Variants in DSCAM observed in about 807,000 individuals in gnomAD.
DSCAM encodes the protein DS cell adhesion molecule.
Under a neutral mutation model 217.7 loss-of-function variants are expected in DSCAM, and 47 were observed. That is an observed-to-expected ratio of 0.22 (90% CI 0.17 to 0.28). The LOEUF (loss-of-function observed/expected upper bound fraction) is 0.28, where lower values mean the gene tolerates loss of function less well. DSCAM is among the 10% of genes least tolerant of loss of function. The probability of loss-of-function intolerance (pLI) is 1.00; values close to 1 mark genes in which losing one functional copy is unlikely to be tolerated. For synonymous variants in DSCAM, 1,056 were observed against 1,015.3 expected, an observed-to-expected ratio of 1.04 and a Z score of -0.76; for missense variants, 2,080 against 2,618.3, an observed-to-expected ratio of 0.79 and a Z score of 4.49.
chr21:40,552,401 T>A (rs947161884), intron 3 of DSCAM, among the ~76,000 whole-genome samples: 9 of 152,218 alleles, frequency 5.9e-5, no homozygotes, highest in African/African-American at 1.9e-4. Flanking sequence ...TAAGAAGAGC[T>A]GCCTTTAGCA....
At position 40,380,555 on chromosome 21, in the gene DSCAM, T is replaced by C. The variant is rs551876375; in HGVS notation, c.509-11310A>G. Among the ~76,000 whole-genome samples the C allele has an allele frequency of 3.9e-5, 6 of 152,290 alleles. No homozygotes were observed. The South Asian group carries it at 1.0e-3, about 26-fold the overall frequency. ...ATTGAGAAACAGAAGTTGACTCTAG[T>C]AAAGAGAAGAGCTGTTTAGATGGTG... On this transcript the variant is annotated intron_variant, in intron 3 of 32. Coordinates refer to ENST00000400454, the MANE Select transcript of DSCAM (RefSeq NM_001389.5).
chr21:40,426,339 T>C (rs141267874), intron 3 of DSCAM, among the ~76,000 whole-genome samples: 1 of 152,334 alleles, frequency 6.6e-6, no homozygotes, highest in East Asian at 1.9e-4. Context: ...GCTGCTTCCT[T>C]TTCTCTCCAT....
In DSCAM at chr21:40,369,258, A is replaced by G; in HGVS notation, c.509-13T>C. 2 of 1,605,450 alleles carry G rather than the reference A, an allele frequency of 1.2e-6. No homozygotes were observed. Among genetic ancestry groups the G allele is most frequent in the East Asian group, 2.2e-5 (1 of 44,746 alleles). ...AGAAATCTAGATCCTGAAATAGAGG[A>G]AAACAGTGGCTTGGTTAAAAGACAA... On this transcript the variant is annotated splice_polypyrimidine_tract_variant and intron_variant, in intron 3 of 32. Coordinates refer to ENST00000400454, the MANE Select transcript of DSCAM (RefSeq NM_001389.5).
At chr21:40,241,625 A>G (rs1419053129) in intron 11 of DSCAM, among the ~76,000 whole-genome samples, 1 of 152,224 alleles carries the variant, frequency 6.6e-6, no homozygotes, top group Non-Finnish European at 1.5e-5. Flanking sequence ...CTACCATTCA[A>G]CCCAGCAATC....
At chr21:40,049,767 C>T (rs150763694) in intron 30 of DSCAM, among the ~76,000 whole-genome samples, 4 of 152,284 alleles carry the variant, frequency 2.6e-5, no homozygotes, top group African/African-American at 4.8e-5. Context: ...GCCTGGCACT[C>T]GCTGACCACT....
Position 40,427,474 on chromosome 21 carries a change from G to A in DSCAM, c.509-58229C>T, listed in dbSNP as rs185144644. On this transcript the variant is annotated intron_variant, in intron 3 of 32. Coordinates refer to ENST00000400454, the MANE Select transcript of DSCAM (RefSeq NM_001389.5). ...TCCAATCTGGGTCAGTATCAGGATC[G>A]TTTTTCAGAGTCTAGAAGGCTAAGG... Among the ~76,000 whole-genome samples, 7 of 152,304 alleles carry A rather than the reference G, an allele frequency of 4.6e-5. No homozygotes were observed. The South Asian group carries it at 8.3e-4, about 18-fold the overall frequency.
chr21:40,155,829 C>T (rs1343552123), intron 16 of DSCAM, among the ~76,000 whole-genome samples: 1 of 152,014 alleles, frequency 6.6e-6, no homozygotes, highest in African/African-American at 2.4e-5. Context: ...TGGAGGCATC[C>T]TGGATGTCTT....
At chr21:40,510,477 A>G (rs1174934265) in intron 3 of DSCAM, among the ~76,000 whole-genome samples, 1 of 152,178 alleles carries the variant, frequency 6.6e-6, no homozygotes, top group East Asian at 1.9e-4. Flanking sequence ...GGTTTGATAA[A>G]CATTTGTTCG....
chr21:40,165,099 A>G (rs1413185713), intron 16 of DSCAM, among the ~76,000 whole-genome samples: 1 of 152,088 alleles, frequency 6.6e-6, no homozygotes, highest in African/African-American at 2.4e-5. Context: ...TCCACCTTAG[A>G]CTTCCCACGA....
At chr21:40,319,399 A>G (rs1385894068) in intron 8 of DSCAM, among the ~76,000 whole-genome samples, 1 of 152,126 alleles carries the variant, frequency 6.6e-6, no homozygotes, top group African/African-American at 2.4e-5. Context: ...TGACTTGGAG[A>G]AAACAAACAA....
chr21:40,367,297 T>C (rs1417120898), intron 4 of DSCAM, among the ~76,000 whole-genome samples: 1 of 152,174 alleles, frequency 6.6e-6, no homozygotes, highest in African/African-American at 2.4e-5. Context: ...TCTACTGCCT[T>C]CCACCTCTGC....
chr21:40,834,776 A>C (rs1277166920), intron 1 of DSCAM, among the ~76,000 whole-genome samples: 1 of 152,108 alleles, frequency 6.6e-6, no homozygotes, highest in African/African-American at 2.4e-5. Flanking sequence ...AACCCAGAGA[A>C]GGCCTCCAGA....
At chr21:40,389,230 CAA>C (rs751384889) in intron 3 of DSCAM, among the ~76,000 whole-genome samples, 12 of 152,068 alleles carry the variant, frequency 7.9e-5, no homozygotes, top group African/African-American at 2.4e-4. Flanking sequence ...GCAAGGAAAT[CAA>C]AAGTCATTAT....
chr21:40,816,774 C>T (rs1262524592), intron 1 of DSCAM, among the ~76,000 whole-genome samples: 2 of 152,096 alleles, frequency 1.3e-5, no homozygotes, highest in Non-Finnish European at 2.9e-5. Context: ...AATCTATTTT[C>T]TGTTGAGTCT....
chr21:40,329,152 C>A (rs181546429), intron 8 of DSCAM, among the ~76,000 whole-genome samples: 1 of 152,226 alleles, frequency 6.6e-6, no homozygotes, highest in African/African-American at 2.4e-5. Context: ...TCTAGCAATC[C>A]CATTACTGGG....
intron 28 of DSCAM, among the ~76,000 whole-genome samples, chr21:40,058,777 T>C (rs530613487): frequency 8.5e-5 from 13 of 152,350 alleles, no homozygotes; most frequent in Admixed American, 2.6e-4. Context: ...AATTGGTCAT[T>C]AGAATGGCAG....
intron 3 of DSCAM, among the ~76,000 whole-genome samples, chr21:40,629,933 T>C (rs1364645600): frequency 6.6e-6 from 1 of 152,196 alleles, no homozygotes; most frequent in Non-Finnish European, 1.5e-5. Flanking sequence ...GAATAGTTAA[T>C]AGAAGAGGTA....
chr21:40,443,432 TAA>T (rs1399448793), intron 3 of DSCAM, among the ~76,000 whole-genome samples: 1 of 152,208 alleles, frequency 6.6e-6, no homozygotes, highest in East Asian at 1.9e-4. Flanking sequence ...CATTGTGAGT[TAA>T]AGAGTTGAAG....
intron 1 of DSCAM, among the ~76,000 whole-genome samples, chr21:40,795,437 C>G (rs181790774): frequency 6.6e-6 from 1 of 152,204 alleles, no homozygotes; most frequent in Admixed American, 6.5e-5. Context: ...TAAATATGCT[C>G]AAGCTCCCCA....
Sources: gnomAD v4.1 joint callset for allele counts (sites outside exome capture counted in the v4.1 genomes callset) on GRCh38, gnomAD v4.1.1 for gene constraint, MANE v1.5 for transcripts, NCBI Gene and HGNC (gene_info 2026-07-23, HGNC 2026-07-21) for gene names.